The following HOOK1 variants were observed in gnomAD, a reference collection of about 807,000 sequenced individuals.
The protein encoded by HOOK1 is protein Hook homolog 1.
A neutral mutation model predicts 112.8 loss-of-function variants in HOOK1; 60 were observed. That is an observed-to-expected ratio of 0.53 (90% CI 0.43 to 0.66). HOOK1 has a LOEUF of 0.66. HOOK1 is among the 30% of genes least tolerant of loss of function. The probability of loss-of-function intolerance (pLI) is 0.00; values close to 1 mark genes in which losing one functional copy is unlikely to be tolerated. For synonymous variants in HOOK1, 294 were observed against 283.8 expected (o/e 1.04, Z -0.36); for missense variants, 770 against 856.0 (o/e 0.90, Z 1.25).
chr1:59,867,226 T>C (rs12410303), intron 19 of HOOK1, among the ~76,000 whole-genome samples: 4,856 of 152,274 alleles, frequency 0.032, 135 homozygotes, highest in Admixed American at 0.087. Context: ...ATCACAACCA[T>C]TTATCACTTA....
At chr1:59,827,765 A>G (rs1241829197) in intron 2 of HOOK1, among the ~76,000 whole-genome samples, 1 of 151,850 alleles carries the variant, frequency 6.6e-6, no homozygotes, top group African/African-American at 2.4e-5. Flanking sequence ...CAGAAGAGTT[A>G]TCTTCTGGTT....
intron 11 of HOOK1, 139 bp downstream of exon 11, chr1:59,848,655 CTTTAAT>C (rs1451305550): frequency 3.3e-6 from 2 of 603,202 alleles, no homozygotes; most frequent in East Asian, 5.9e-5. Flanking sequence ...GAATTTCTTT[CTTTAAT>C]TTTAATTCAA....
At chr1:59,866,085 ACTGT>A in intron 19 of HOOK1, 113 bp downstream of exon 19, 1 of 653,542 alleles carries the variant, frequency 1.5e-6, no homozygotes, top group South Asian at 1.7e-5. Context: ...TTCTCTCTTA[ACTGT>A]ATTGCCTTAC....
chr1:59,839,316 C>A (rs1466525671), intron 7 of HOOK1, among the ~76,000 whole-genome samples: 1 of 152,154 alleles, frequency 6.6e-6, no homozygotes. Context: ...AATATTGATT[C>A]TTCCTACCCA....
chr1:59,834,797 C>A (rs1158100901), intron 5 of HOOK1, among the ~76,000 whole-genome samples: 1 of 151,778 alleles, frequency 6.6e-6, no homozygotes, highest in Non-Finnish European at 1.5e-5. Flanking sequence ...TTTAAAGAGC[C>A]AACTTTTGGC....
intron 13 of HOOK1, 23 bp downstream of exon 13, chr1:59,858,538 A>G: frequency 6.5e-7 from 1 of 1,529,618 alleles, no homozygotes; most frequent in African/African-American, 1.4e-5. Flanking sequence ...AGATTTAGAA[A>G]AGTTTCAGCC....
At chr1:59,862,074 A>G (rs572791467) in intron 15 of HOOK1, among the ~76,000 whole-genome samples, 4 of 152,290 alleles carry the variant, frequency 2.6e-5, no homozygotes, top group Non-Finnish European at 2.9e-5. Context: ...AGTTCAATAC[A>G]AGTTGTTAGC....
intron 2 of HOOK1, among the ~76,000 whole-genome samples, chr1:59,823,147 C>T (rs1260237180): frequency 6.6e-6 from 1 of 152,086 alleles, no homozygotes; most frequent in African/African-American, 2.4e-5. Context: ...GGTGAAACCC[C>T]ATCTCTACTA....
chr1:59,874,597 C>G lies in HOOK1; in HGVS notation c.*1632C>G, dbSNP rs1458240774. ...TCTTTGTTGCAAGTACTCAACTCTGCCATTATAGAGTTAAAGCAGCCATAC... is the reference window on the plus strand; with the variant it reads ...TCTTTGTTGCAAGTACTCAACTCTGGCATTATAGAGTTAAAGCAGCCATAC... On this transcript the variant is annotated 3_prime_UTR_variant, in exon 22 of 22. Coordinates refer to ENST00000371208, the MANE Select transcript of HOOK1 (RefSeq NM_015888.6). The G allele has an allele frequency of 1.3e-5, 2 of 152,106 alleles. No homozygotes were observed. The highest frequency in any genetic ancestry group is 2.9e-5 in the Non-Finnish European group (2 of 67,994). The allele number at this position is 152,106 out of a possible 1,614,324, so 9.4% of individuals were successfully genotyped here.
chr1:59,865,251 T>A lies in HOOK1; in HGVS notation c.1744+6T>A. The A allele has an allele frequency of 6.4e-7, 1 of 1,561,128 alleles. No individual in the cohort carries two copies. The highest frequency in any genetic ancestry group is 8.8e-7 in the Non-Finnish European group (1 of 1,131,858). On this transcript the variant is annotated splice_donor_region_variant and intron_variant, in intron 18 of 21. Transcript: ENST00000371208. ...GCCAGATATAAATCAAAATGGTAGG[T>A]ATCTGTGAAAACTTGGATCAGACAA...
chr1:59,827,751 T>C (rs553533136), intron 2 of HOOK1, among the ~76,000 whole-genome samples: 47 of 152,194 alleles, frequency 3.1e-4, no homozygotes, highest in African/African-American at 8.4e-4. Flanking sequence ...TTGGTTATCA[T>C]AGCCAGAAGA....
intron 8 of HOOK1, among the ~76,000 whole-genome samples, chr1:59,843,111 T>A (rs2098401848): frequency 6.6e-6 from 1 of 151,838 alleles, no homozygotes; most frequent in Non-Finnish European, 1.5e-5. Context: ...ACAAATTAAT[T>A]TTTTGAAGTT....
chr1:59,837,931 G>A (rs2098398818), intron 7 of HOOK1, among the ~76,000 whole-genome samples: 1 of 152,040 alleles, frequency 6.6e-6, no homozygotes, highest in South Asian at 2.1e-4. Flanking sequence ...ACTTATGAGT[G>A]AGAACATGTG....
chr1:59,863,466 G>A (rs1033034242), intron 16 of HOOK1, among the ~76,000 whole-genome samples: 8 of 152,140 alleles, frequency 5.3e-5, no homozygotes, highest in African/African-American at 1.9e-4. Context: ...TTTGACAGCA[G>A]CTACTGTGAG....
At chr1:59,866,835 C>A (rs1643976300) in intron 19 of HOOK1, among the ~76,000 whole-genome samples, 1 of 152,108 alleles carries the variant, frequency 6.6e-6, no homozygotes, top group Admixed American at 6.6e-5. Flanking sequence ...AATCTGTATT[C>A]ATTTCCTTTT....
At chr1:59,870,616 A>G (rs1644041807) in intron 20 of HOOK1, among the ~76,000 whole-genome samples, 1 of 152,236 alleles carries the variant, frequency 6.6e-6, no homozygotes, top group Non-Finnish European at 1.5e-5. Flanking sequence ...AAAAATTTGT[A>G]TTAAACTTTA....
chr1:59,820,440 C>T (rs907012608), intron 1 of HOOK1, among the ~76,000 whole-genome samples: 11 of 152,120 alleles, frequency 7.2e-5, no homozygotes, highest in African/African-American at 2.7e-4. Flanking sequence ...GGTTGTCACC[C>T]CTTCCCCAGC....
At chr1:59,839,611 A>G (rs1364383103) in intron 7 of HOOK1, among the ~76,000 whole-genome samples, 1 of 152,066 alleles carries the variant, frequency 6.6e-6, no homozygotes, top group African/African-American at 2.4e-5. Context: ...GGGTTTTCTA[A>G]ATATACAATC....
rs117857864 is a variant in HOOK1, at chr1:59,837,859, C to G, written c.537+924C>G. ...ATCCCTTTCCTAGCCCCCCACCCCC[C>G]ACAGGCCCTGGTGTGTGATGCTCCC... On this transcript the variant is annotated intron_variant, in intron 7 of 21. Transcript: ENST00000371208. Among the ~76,000 whole-genome samples the G allele has an allele frequency of 1.5e-4, 23 of 152,140 alleles. No homozygotes were observed. In the East Asian group the frequency reaches 4.1e-3, roughly 27 times the overall value.
Sources: allele counts gnomAD v4.1 joint callset (sites outside exome capture counted in the v4.1 genomes callset), GRCh38; gene constraint gnomAD v4.1.1; transcripts MANE v1.5; gene names NCBI Gene and HGNC (gene_info 2026-07-23, HGNC 2026-07-21).